MVP: variants seen among roughly 807,000 people sequenced by gnomAD.
The protein encoded by MVP is major vault protein.
Under a neutral mutation model 83.5 loss-of-function variants are expected in MVP, and 62 were observed. The ratio of observed to expected loss-of-function variants is 0.74; its 90% CI spans 0.61 to 0.92. The LOEUF is 0.92. Among genes scored for constraint, MVP ranks in the 40% least tolerant of loss-of-function variants. The pLI, the probability that MVP is intolerant of heterozygous loss-of-function variation, is 0.00. For synonymous variants in MVP, 505 were observed against 504.1 expected, an observed-to-expected ratio of 1.00 and a Z score of -0.02; for missense variants, 1,000 against 1,203.4, an observed-to-expected ratio of 0.83 and a Z score of 2.50.
intron 10 of MVP, among the ~76,000 whole-genome samples, chr16:29,842,684 C>G (rs2067545075): frequency 6.6e-6 from 1 of 152,088 alleles, no homozygotes; most frequent in African/African-American, 2.4e-5. Context: ...CCTAGGAACC[C>G]CAAGAAAAGG....
intron 1 of MVP, chr16:29,830,209 G>A: frequency 4.5e-6 from 1 of 222,998 alleles, no homozygotes; most frequent in Non-Finnish European, 9.1e-6. Context: ...GCTCTTTGCA[G>A]TGCCGGTGGC....
chr16:29,831,156 T>C, intron 3 of MVP, 83 bp downstream of exon 3: 1 of 1,307,316 alleles, frequency 7.6e-7, no homozygotes, highest in Non-Finnish European at 1.0e-6. Context: ...TTCTTCTTCT[T>C]TTTTTCTTTT....
chr16:29,830,972 CTGTTTGATGT>C lies in MVP; in HGVS notation c.221_230del (p.Leu74ProfsTer47). On this transcript the variant is annotated frameshift_variant, in exon 3 of 15. Coordinates refer to ENST00000357402, the MANE Select transcript of MVP (RefSeq NM_005115.5). LOFTEE classifies it high-confidence loss of function. ...GTCTCGGGATGCCCAGGGCTTGGTG[CTGTTTGATGT>C]CACAGGGCAAGTTCGGCTTCGCCAC... The C allele has an allele frequency of 6.2e-7, 1 of 1,614,104 alleles. No individual in the cohort carries two copies. The highest frequency in any genetic ancestry group is 2.2e-5 in the East Asian group (1 of 44,882).
chr16:29,836,259 C>A (rs1409512508), intron 6 of MVP, among the ~76,000 whole-genome samples: 4 of 146,170 alleles, frequency 2.7e-5, no homozygotes, highest in Non-Finnish European at 4.5e-5. Flanking sequence ...CAGAGCGAAA[C>A]CCTGTCTCAA....
intron 13 of MVP, among the ~76,000 whole-genome samples, chr16:29,846,925 C>T (rs1181662759): frequency 6.6e-6 from 1 of 152,016 alleles, no homozygotes; most frequent in Non-Finnish European, 1.5e-5. Flanking sequence ...GGTCTCTAAC[C>T]CCAGCACTTT....
chr16:29,830,425 C>T lies in MVP; in HGVS notation c.-35-90C>T, dbSNP rs150484105. 5,520 of 1,146,592 alleles carry T rather than the reference C, an allele frequency of 4.8e-3. 21 individuals are homozygous for T. Among genetic ancestry groups the T allele is most frequent in the Non-Finnish European group, 6.5e-3 (5,182 of 791,912 alleles). 71.0% of individuals were successfully genotyped at this position (1,146,592 alleles called of 1,614,324 possible). ...GTGGCCTGGCTGGAGGAGGTAGGGC[C>T]GTATCCCACCCAGAGTCTGTCACCA... On this transcript the variant is annotated intron_variant, in intron 1 of 14. Coordinates refer to ENST00000357402, the MANE Select transcript of MVP (RefSeq NM_005115.5).
At chr16:29,836,140 C>T (rs2067485108) in intron 6 of MVP, among the ~76,000 whole-genome samples, 1 of 151,740 alleles carries the variant, frequency 6.6e-6, no homozygotes, top group South Asian at 2.1e-4. Flanking sequence ...GTGGAGCATG[C>T]CTGTAATTCC....
intron 7 of MVP, among the ~76,000 whole-genome samples, chr16:29,838,214 G>A (rs746033737): frequency 5.9e-5 from 9 of 151,714 alleles, no homozygotes; most frequent in Non-Finnish European, 1.0e-4. Context: ...CGGGTGGATC[G>A]CTTGAGGTCA....
chr16:29,831,155 T>C (rs1277148546), intron 3 of MVP, 82 bp downstream of exon 3: 3 of 1,301,522 alleles, frequency 2.3e-6, no homozygotes, highest in Non-Finnish European at 3.1e-6. Context: ...CTTCTTCTTC[T>C]TTTTTTCTTT....
intron 13 of MVP, 63 bp downstream of exon 13, chr16:29,846,347 C>T (rs927278332): frequency 3.3e-6 from 5 of 1,513,080 alleles, no homozygotes; most frequent in Non-Finnish European, 4.4e-6. Flanking sequence ...CCATTCCCTA[C>T]AGTCCCTGAG....
intron 3 of MVP, chr16:29,833,468 C>CTTT (rs34663728): frequency 1.9e-3 from 239 of 128,874 alleles, no homozygotes; most frequent in South Asian, 3.8e-3. Flanking sequence ...CCTGGCTACA[C>CTTT]TTTTTTTTTT....
At chr16:29,833,172 T>G (rs1198556827) in intron 3 of MVP, among the ~76,000 whole-genome samples, 2 of 152,108 alleles carry the variant, frequency 1.3e-5, no homozygotes, top group Non-Finnish European at 2.9e-5. Context: ...GAGACTGTTG[T>G]GAGCCATGGT....
chr16:29,847,947 T>G lies in MVP; in HGVS notation c.2640T>G (p.Pro880=). ...TATCCCCCCAGTCTGCTCAGGCCCC[T>G]CAAGCTCCTGGAGACAACCACGTGG... ...EGISPQSAQA[P]QAPGDNHVVP... is the part of the protein sequence containing the mutation. The change falls in exon 15 of 15, where the codon CCT becomes CCG. Residue 880 remains proline (P), a synonymous_variant. Transcript: ENST00000357402. The G allele has an allele frequency of 6.2e-7, 1 of 1,611,094 alleles. No individual in the cohort carries two copies. The highest frequency in any genetic ancestry group is 8.5e-7 in the Non-Finnish European group (1 of 1,179,152).
At position 29,836,914 on chromosome 16, in the gene MVP, G is replaced by T; in HGVS notation, c.865G>T (p.Gly289Ter). The T allele has an allele frequency of 6.2e-7, 1 of 1,613,922 alleles. No individual in the cohort carries two copies. Among genetic ancestry groups the T allele is most frequent in the South Asian group, 1.1e-5 (1 of 91,072 alleles). ...HNYCVILDPV[G>*]PDGKNQLGQK... The stretch of plus-strand genomic sequence containing the variant: ...CTACTGCGTGATTCTCGACCCTGTC[G>T]GACCGGATGGCAAGAATCAGCTGGG... Residue 289 changes from glycine to a stop codon, truncating the protein, a stop_gained, in exon 7 of 15, where the codon GGA (glycine) becomes TGA (stop). Coordinates refer to ENST00000357402, the MANE Select transcript of MVP (RefSeq NM_005115.5). LOFTEE classifies it high-confidence loss of function.
intron 1 of MVP, chr16:29,822,650 G>A (rs2067371977): frequency 6.6e-6 from 1 of 152,256 alleles, no homozygotes. Flanking sequence ...AGGCTGCCTG[G>A]ACCTGGGTAA....
chr16:29,836,517 C>T (rs925834841), intron 6 of MVP, among the ~76,000 whole-genome samples: 1 of 151,108 alleles, frequency 6.6e-6, no homozygotes, highest in East Asian at 1.9e-4. Flanking sequence ...GCGGAAGTTG[C>T]AGTGAGCTGA....
Position 29,842,040 on chromosome 16 carries a change from A to T in MVP, c.1562A>T (p.Asp521Val), listed in dbSNP as rs747189656. ...GCGCTCTGCCTGCTGCTGGGGCCTG[A>T]CTTCTTCACAGACGTCATCACCATC... ...RRALCLLLGP[D>V]FFTDVITIET... Residue 521 changes from aspartate (D) to valine (V), a missense_variant, in exon 10 of 15, where the codon GAC (aspartate) becomes GTC (valine). By Grantham distance (152) the Asp-to-Val change is radical (BLOSUM62 -3). Transcript: ENST00000357402. 1 of 1,610,586 alleles carries T rather than the reference A, an allele frequency of 6.2e-7. No homozygotes were observed. Among genetic ancestry groups the T allele is most frequent in the East Asian group, 2.2e-5 (1 of 44,862 alleles).
At chr16:29,839,081 G>C (rs760366767) in intron 7 of MVP, among the ~76,000 whole-genome samples, 4 of 152,012 alleles carry the variant, frequency 2.6e-5, no homozygotes, top group Non-Finnish European at 4.4e-5. Flanking sequence ...GCTACTGCTC[G>C]GGAGGCTGAG....
At chr16:29,824,856 A>G (rs1384637246) in intron 1 of MVP, among the ~76,000 whole-genome samples, 1 of 151,884 alleles carries the variant, frequency 6.6e-6, no homozygotes, top group East Asian at 1.9e-4. Flanking sequence ...GTTTTGCTGT[A>G]GCAGAAGTTT....
Sources: allele counts gnomAD v4.1 joint callset (sites outside exome capture counted in the v4.1 genomes callset), GRCh38; gene constraint gnomAD v4.1.1; transcripts MANE v1.5; gene names NCBI Gene and HGNC (gene_info 2026-07-23, HGNC 2026-07-21).